DCK: variants seen among roughly 807,000 people sequenced by gnomAD.
The protein encoded by DCK is deoxycytidine kinase.
Under a neutral mutation model 38.3 loss-of-function variants are expected in DCK, and 23 were observed. That is an observed-to-expected ratio of 0.60 (90% CI 0.43 to 0.85). The LOEUF is 0.85. DCK is among the 40% of genes least tolerant of loss of function. The pLI, the probability that DCK is intolerant of heterozygous loss-of-function variation, is 0.00. For synonymous variants in DCK, 108 were observed against 100.6 expected, an observed-to-expected ratio of 1.07 and a Z score of -0.44; for missense variants, 259 against 304.4, an observed-to-expected ratio of 0.85 and a Z score of 1.11.
chr4:70,997,392 GT>G (rs908415178), intron 1 of DCK, among the ~76,000 whole-genome samples: 2 of 152,138 alleles, frequency 1.3e-5, no homozygotes, highest in African/African-American at 4.8e-5. Flanking sequence ...CTGTTATCCA[GT>G]TTATCGTTAA....
rs780231019 is a variant in DCK at position 71,010,429 on chromosome 4, TTTAA to T, written c.208-11935_208-11932del. Among the ~76,000 whole-genome samples, 9 of 151,324 alleles carry T rather than the reference TTTAA, an allele frequency of 5.9e-5. No individual in the cohort carries two copies. In the East Asian group the frequency reaches 1.3e-3, roughly 23 times the overall value. On this transcript the variant is annotated intron_variant, in intron 2 of 6. Coordinates refer to ENST00000286648, the MANE Select transcript of DCK (RefSeq NM_000788.3). ...TTATTATTTAGGCCCAAAGTTTTGA[TTTAA>T]TTGTTTCCTTTTAGCTTATTTTTGA...
rs1156868950 is a variant in DCK, at chr4:70,993,762, T to C, written c.-74T>C. 8.8e-6 allele frequency: 9 copies of C among 1,023,964 alleles called. No homozygotes were observed. The highest frequency in any genetic ancestry group is 2.5e-5 in the East Asian group (1 of 39,276). The allele number at this position is 1,023,964 out of a possible 1,614,324, so 63.4% of individuals were successfully genotyped here. A position where few individuals can be genotyped will look rare whatever the true frequency, so the allele number is the denominator to read the frequency against. Reference sequence around the variant, plus strand: ...GATCTGGCTTAGCGGCGCCGCGAGCTCCAGTGCGCGCACCCGTGGCCGCCT... The same window carrying C: ...GATCTGGCTTAGCGGCGCCGCGAGCCCCAGTGCGCGCACCCGTGGCCGCCT... On this transcript the variant is annotated 5_prime_UTR_variant, in exon 1 of 7. Transcript: ENST00000286648.
At chr4:71,022,856 C>T (rs1740464063) in intron 3 of DCK, among the ~76,000 whole-genome samples, 1 of 152,082 alleles carries the variant, frequency 6.6e-6, no homozygotes, top group Admixed American at 6.6e-5. Flanking sequence ...CTCATCTGCT[C>T]TGGTTAAATC....
chr4:71,023,612 G>T lies in DCK; in HGVS notation c.455G>T (p.Trp152Leu). The change falls in exon 4 of 7, where the codon TGG becomes TTG. Residue 152 changes from tryptophan (W) to leucine (L), a missense_variant. Trp to Leu is a moderately conservative substitution (Grantham distance 61). Around this residue, in one of 3 missense-constraint regions of DCK, gnomAD observed 18 missense variants for 41.6 expected, o/e 0.43. Coordinates refer to ENST00000286648, the MANE Select transcript of DCK (RefSeq NM_000788.3). ...YESECMNETE[W>L]TIYQDWHDWM... The stretch of plus-strand genomic sequence containing the variant: ...TCTGAATGCATGAATGAGACAGAGT[G>T]GACAATTTATCAAGACTGGCATGAC... 1.2e-6 allele frequency: 2 copies of T among 1,611,128 alleles called. No individual in the cohort carries two copies. The highest frequency in any genetic ancestry group is 1.1e-5 in the South Asian group (1 of 90,808).
At chr4:70,995,204 T>A (rs557790175) in intron 1 of DCK, among the ~76,000 whole-genome samples, 1 of 152,342 alleles carries the variant, frequency 6.6e-6, no homozygotes, top group Admixed American at 6.5e-5. Flanking sequence ...GGTGCATGTT[T>A]ACTAGTATGG....
At chr4:71,004,388 TCTGCCGA>T (rs1258072020) in intron 2 of DCK, among the ~76,000 whole-genome samples, 4 of 152,200 alleles carry the variant, frequency 2.6e-5, no homozygotes, top group Non-Finnish European at 4.4e-5. Flanking sequence ...ATATGAGGTG[TCTGCCGA>T]CCCCTGCTGG....
intron 2 of DCK, among the ~76,000 whole-genome samples, chr4:71,021,494 A>G (rs1740424465): frequency 1.3e-5 from 2 of 152,206 alleles, no homozygotes; most frequent in Admixed American, 1.3e-4. Context: ...GAATTGCAAA[A>G]TCTGGGGCAG....
At chr4:71,010,306 T>G (rs1459587643) in intron 2 of DCK, among the ~76,000 whole-genome samples, 1 of 151,984 alleles carries the variant, frequency 6.6e-6, no homozygotes, top group East Asian at 1.9e-4. Context: ...TCTCTCTTGG[T>G]GAGAATGATC....
At chr4:70,995,476 A>G (rs1161069423) in intron 1 of DCK, among the ~76,000 whole-genome samples, 2 of 152,194 alleles carry the variant, frequency 1.3e-5, no homozygotes, top group Non-Finnish European at 2.9e-5. Flanking sequence ...GCTACTCAGG[A>G]GGCTGAGGCA....
Position 70,993,654 on chromosome 4 carries a change from C to A in DCK, c.-182C>A. On this transcript the variant is annotated 5_prime_UTR_variant, in exon 1 of 7. Coordinates refer to ENST00000286648, the MANE Select transcript of DCK (RefSeq NM_000788.3). ...GGCCGCCCCGCAGGCCCGCCAGTGT[C>A]CTCAGCTGCCTCCGCGCGCCAAAGT... 1 of 553,560 alleles carries A rather than the reference C, an allele frequency of 1.8e-6. No individual in the cohort carries two copies. The highest frequency in any genetic ancestry group is 3.2e-6 in the Non-Finnish European group (1 of 314,100). The allele number at this position is 553,560 out of a possible 1,614,324, so 34.3% of individuals were successfully genotyped here.
intron 2 of DCK, among the ~76,000 whole-genome samples, chr4:71,013,671 T>G (rs1740163869): frequency 6.6e-6 from 1 of 152,074 alleles, no homozygotes; most frequent in Non-Finnish European, 1.5e-5. Flanking sequence ...ACTTCATAAG[T>G]GAAGGAGAAA....
chr4:70,994,295 A>C (rs1304636347), intron 1 of DCK, among the ~76,000 whole-genome samples: 3 of 152,210 alleles, frequency 2.0e-5, no homozygotes, highest in Non-Finnish European at 2.9e-5. Context: ...GAGGTTTGAC[A>C]AACATTATGC....
At chr4:71,021,720 G>GT (rs1476776373) in intron 2 of DCK, among the ~76,000 whole-genome samples, 4 of 152,110 alleles carry the variant, frequency 2.6e-5, no homozygotes, top group Non-Finnish European at 4.4e-5. Flanking sequence ...GTACTGCTTG[G>GT]TTTTTTCATT....
intron 2 of DCK, among the ~76,000 whole-genome samples, chr4:71,009,007 G>A (rs1740022694): frequency 6.6e-6 from 1 of 152,160 alleles, no homozygotes; most frequent in Non-Finnish European, 1.5e-5. Context: ...GAGTTAAAGT[G>A]TACAGATATA....
chr4:70,994,021 AG>A (rs1157699279), intron 1 of DCK, 95 bp downstream of exon 1: 3 of 910,970 alleles, frequency 3.3e-6, no homozygotes, highest in Non-Finnish European at 5.3e-6. Context: ...CAACTCGGTG[AG>A]GGCTTTCCCT....
intron 2 of DCK, among the ~76,000 whole-genome samples, chr4:71,006,872 T>C (rs1193995913): frequency 1.3e-5 from 2 of 152,144 alleles, no homozygotes; most frequent in East Asian, 3.8e-4. Context: ...GCTAACAACT[T>C]ACTTTGATCT....
intron 2 of DCK, among the ~76,000 whole-genome samples, chr4:71,018,597 G>C (rs1421523739): frequency 6.6e-6 from 1 of 151,106 alleles, no homozygotes; most frequent in Non-Finnish European, 1.5e-5. Context: ...TATCTGGATA[G>C]TTTGCAGAGG....
At chr4:71,026,912 T>G (rs72553934) in intron 6 of DCK, 157 bp downstream of exon 6, 4,084 of 404,532 alleles carry the variant, frequency 0.01, 159 homozygotes, top group African/African-American at 0.075. Context: ...ATTCCAGTCC[T>G]GACTAAATTC....
At chr4:71,011,266 T>C (rs1046749580) in intron 2 of DCK, among the ~76,000 whole-genome samples, 1 of 143,986 alleles carries the variant, frequency 6.9e-6, no homozygotes, top group Non-Finnish European at 1.5e-5. Flanking sequence ...TAAGACGGAG[T>C]CTTGCTCTGT....
Sources: allele counts gnomAD v4.1 joint callset (sites outside exome capture counted in the v4.1 genomes callset), GRCh38; gene constraint gnomAD v4.1.1; regional missense constraint gnomAD v4.1.1; transcripts MANE v1.5; gene names NCBI Gene and HGNC (gene_info 2026-07-23, HGNC 2026-07-21).